Variants in SMIM21 observed in about 807,000 individuals in gnomAD.
SMIM21 encodes chromosome 18 open reading frame 62.
A neutral mutation model predicts 8.6 loss-of-function variants in SMIM21; 8 were observed. The ratio of observed to expected loss-of-function variants is 0.93; its 90% CI spans 0.55 to 1.68. The LOEUF (loss-of-function observed/expected upper bound fraction) is 1.68, where lower values mean the gene tolerates loss of function less well. SMIM21 is among the 40% of genes most tolerant of loss of function. The probability of loss-of-function intolerance (pLI) is 0.00; values close to 1 mark genes in which losing one functional copy is unlikely to be tolerated. For synonymous variants in SMIM21, 43 were observed against 41.7 expected, an observed-to-expected ratio of 1.03 and a Z score of -0.12; for missense variants, 132 against 123.0, an observed-to-expected ratio of 1.07 and a Z score of -0.35.
chr18:75,422,948 T>A (rs117696131), intron 1 of SMIM21, among the ~76,000 whole-genome samples: 1,900 of 152,334 alleles, frequency 0.012, 20 homozygotes, highest in Non-Finnish European at 0.022. Flanking sequence ...CATTTTATAG[T>A]AAGTAAATTA....
rs2024560516 is a variant in SMIM21, at chr18:75,409,582, A to G, written c.*1282T>C. ...GTTGACCTCACTGGGTTCACGTGTG[A>G]TGCAGCGCAATGGGATCTGGACATG... On this transcript the variant is annotated 3_prime_UTR_variant, in exon 3 of 3. Transcript: ENST00000579022. 6.6e-6 allele frequency: 1 copy of G among 152,214 alleles called. No individual in the cohort carries two copies. The highest frequency in any genetic ancestry group is 6.5e-5 in the Admixed American group (1 of 15,276). 9.4% of individuals were successfully genotyped at this position (152,214 alleles called of 1,614,324 possible). A position where few individuals can be genotyped will look rare whatever the true frequency, so the allele number is the denominator to read the frequency against.
chr18:75,413,808 C>T (rs1028097615), intron 2 of SMIM21, among the ~76,000 whole-genome samples: 8 of 152,100 alleles, frequency 5.3e-5, no homozygotes, highest in Non-Finnish European at 8.8e-5. Context: ...CTCATGAGTG[C>T]AAACACCTTG....
intron 2 of SMIM21, 105 bp downstream of exon 2, chr18:75,418,681 G>C: frequency 8.6e-7 from 1 of 1,159,256 alleles, no homozygotes; most frequent in Non-Finnish European, 1.2e-6. Flanking sequence ...CAGATTGATT[G>C]CTTGATGAAT....
chr18:75,417,143 A>T (rs541585974), intron 2 of SMIM21: 2 of 152,206 alleles, frequency 1.3e-5, no homozygotes, highest in Non-Finnish European at 2.9e-5. Context: ...TGCGGACAGC[A>T]TCCTCCCCGG....
chr18:75,412,717 T>C (rs4527106), intron 2 of SMIM21: 112,761 of 152,036 alleles, frequency 0.74, 42,461 homozygotes, highest in East Asian at 0.99. Context: ...ATGAGTATTG[T>C]ATGTGGGTAC....
At chr18:75,415,146 C>G (rs1296548064) in intron 2 of SMIM21, among the ~76,000 whole-genome samples, 1 of 152,130 alleles carries the variant, frequency 6.6e-6, no homozygotes, top group Non-Finnish European at 1.5e-5. Flanking sequence ...ACAGAGCTAA[C>G]AAAAACACCA....
At position 75,410,822 on chromosome 18, in the gene SMIM21, A is replaced by C; in HGVS notation, c.*42T>G. The C allele has an allele frequency of 9.3e-6, 15 of 1,611,880 alleles. No individual in the cohort carries two copies. Among genetic ancestry groups the C allele is most frequent in the Non-Finnish European group, 1.2e-5 (14 of 1,179,350 alleles). The stretch of plus-strand genomic sequence containing the variant: ...ATTTCTTTTCATCTTGAGCAGGGGA[A>C]ATCCATGGTATGAAGGCCATGAGAG... On this transcript the variant is annotated 3_prime_UTR_variant, in exon 3 of 3. Transcript: ENST00000579022.
chr18:75,418,878 C>A lies in SMIM21; in HGVS notation c.168G>T (p.Leu56Phe), dbSNP rs537807034. 1.6e-5 allele frequency: 26 copies of A among 1,604,874 alleles called. No homozygotes were observed. In the East Asian group the frequency reaches 4.0e-4, roughly 25 times the overall value. ...GCAACACCATCACATGGAAAAGAAC[C>A]AACAATGTGAAGAAACGAATATGGT... The part of the protein sequence containing the change: ...NEHHIRFFTL[L>F]VLFHVMVLLR... The change falls in exon 2 of 3, where the codon TTG becomes TTT. Residue 56 changes from leucine to phenylalanine, a missense_variant. Coordinates refer to ENST00000579022, the MANE Select transcript of SMIM21 (RefSeq NM_001037331.3).
rs370971309 is a variant in SMIM21 at position 75,410,853 on chromosome 18, C to T, written c.*11G>A. On this transcript the variant is annotated 3_prime_UTR_variant, in exon 3 of 3. Transcript: ENST00000579022. Reference sequence around the variant, plus strand: ...TGGTATGAAGGCCATGAGAGAGAAACGTAGTGTCATTTATTCTGCTTCTGC... The same window carrying T: ...TGGTATGAAGGCCATGAGAGAGAAATGTAGTGTCATTTATTCTGCTTCTGC... 1.4e-5 allele frequency: 22 copies of T among 1,613,874 alleles called. No homozygotes were observed. Among genetic ancestry groups the T allele is most frequent in the Non-Finnish European group, 1.6e-5 (19 of 1,179,992 alleles).
At chr18:75,414,628 A>C (rs924112924) in intron 2 of SMIM21, among the ~76,000 whole-genome samples, 1 of 152,166 alleles carries the variant, frequency 6.6e-6, no homozygotes, top group African/African-American at 2.4e-5. Context: ...AGGAATGGAA[A>C]ATCTCCTCCA....
chr18:75,418,401 C>A (rs1031057077), intron 2 of SMIM21, among the ~76,000 whole-genome samples: 5 of 152,152 alleles, frequency 3.3e-5, no homozygotes, highest in Admixed American at 3.3e-4. Flanking sequence ...AGGAGGGATT[C>A]ATTATGAAAT....
rs543022778 is a variant in SMIM21, at chr18:75,422,245, A to G, written c.130-3329T>C. Among the ~76,000 whole-genome samples, 3 of 152,312 alleles carry G rather than the reference A, an allele frequency of 2.0e-5. No homozygotes were observed. The South Asian group carries it at 6.2e-4, about 32-fold the overall frequency. ...CGCACCATGGAGAGGGATATGGGGA[A>G]GCAGGGATATAGGAATTTGACTCAA... On this transcript the variant is annotated intron_variant, in intron 1 of 2. Coordinates refer to ENST00000579022, the MANE Select transcript of SMIM21 (RefSeq NM_001037331.3).
At chr18:75,420,354 T>C (rs2024695997) in intron 1 of SMIM21, among the ~76,000 whole-genome samples, 1 of 152,218 alleles carries the variant, frequency 6.6e-6, no homozygotes, top group Admixed American at 6.5e-5. Context: ...GTGGAATTGG[T>C]GGATTTAATT....
intron 2 of SMIM21, 138 bp from the exon 3 acceptor site, chr18:75,411,047 GT>G (rs1253004239): frequency 7.9e-7 from 1 of 1,268,384 alleles, no homozygotes; most frequent in Non-Finnish European, 1.1e-6. Context: ...ATTTTGGAGT[GT>G]TTTGAGGCTG....
In SMIM21 at chr18:75,409,734, G is replaced by T. The variant is rs899918474; in HGVS notation, c.*1130C>A. On this transcript the variant is annotated 3_prime_UTR_variant, in exon 3 of 3. Transcript: ENST00000579022. ...TATTTTTCTCTGCGACACACAGATG[G>T]AGGCTGTGGTGTAAGAGTTACACCT... 9 of 152,230 alleles carry T rather than the reference G, an allele frequency of 5.9e-5. No individual in the cohort carries two copies. The highest frequency in any genetic ancestry group is 1.2e-4 in the Non-Finnish European group (8 of 68,062). The allele number at this position is 152,230 out of a possible 1,614,324, so 9.4% of individuals were successfully genotyped here.
At position 75,410,664 on chromosome 18, in the gene SMIM21, A is replaced by T; in HGVS notation, c.*200T>A. ...CTCCGGAATATTCCTGAACAGAAAA[A>T]GGAAGAGTGCCCCTCAAGAACAAAG... On this transcript the variant is annotated 3_prime_UTR_variant, in exon 3 of 3. Coordinates refer to ENST00000579022, the MANE Select transcript of SMIM21 (RefSeq NM_001037331.3). The T allele has an allele frequency of 7.4e-7, 1 of 1,358,848 alleles. No individual in the cohort carries two copies. The highest frequency in any genetic ancestry group is 9.6e-7 in the Non-Finnish European group (1 of 1,047,110). 84.2% of individuals were successfully genotyped at this position (1,358,848 alleles called of 1,614,324 possible).
intron 2 of SMIM21, among the ~76,000 whole-genome samples, chr18:75,414,507 A>G (rs1423675229): frequency 6.6e-6 from 1 of 152,116 alleles, no homozygotes; most frequent in Non-Finnish European, 1.5e-5. Context: ...CACTGGGGGA[A>G]GGGAAAGATG....
chr18:75,410,323 C>T lies in SMIM21; in HGVS notation c.*541G>A, dbSNP rs1364639261. 2 of 153,012 alleles carry T rather than the reference C, an allele frequency of 1.3e-5. No individual in the cohort carries two copies. Among genetic ancestry groups the T allele is most frequent in the Admixed American group, 6.5e-5 (1 of 15,316 alleles). The allele number at this position is 153,012 out of a possible 1,614,324, so 9.5% of individuals were successfully genotyped here. On this transcript the variant is annotated 3_prime_UTR_variant, in exon 3 of 3. Coordinates refer to ENST00000579022, the MANE Select transcript of SMIM21 (RefSeq NM_001037331.3). Reference sequence around the variant, plus strand: ...GTTTTATTACAGTAATGAGGACTGTCGGTTTTTTCATCTCCTCTAATATGT... The same window carrying T: ...GTTTTATTACAGTAATGAGGACTGTTGGTTTTTTCATCTCCTCTAATATGT...
intron 2 of SMIM21, chr18:75,418,164 T>C: frequency 2.5e-6 from 1 of 398,454 alleles, no homozygotes; most frequent in East Asian, 3.6e-5. Flanking sequence ...ACAAAAAGCC[T>C]ACAGTGGGAG....
Sources: gnomAD v4.1 joint callset for allele counts (sites outside exome capture counted in the v4.1 genomes callset) on GRCh38, gnomAD v4.1.1 for gene constraint, MANE v1.5 for transcripts, NCBI Gene and HGNC (gene_info 2026-07-23, HGNC 2026-07-21) for gene names.